Variants in ACOXL observed in about 807,000 individuals in gnomAD.
ACOXL encodes acyl-coenzyme A oxidase-like protein.
A neutral mutation model predicts 71.9 loss-of-function variants in ACOXL; 70 were observed. That is an observed-to-expected ratio of 0.97 (90% CI 0.80 to 1.19). The LOEUF (loss-of-function observed/expected upper bound fraction) is 1.19, where lower values mean the gene tolerates loss of function less well. ACOXL is among the 50% of genes most tolerant of loss of function. ACOXL has a pLI of 0.00. For synonymous variants in ACOXL, 253 were observed against 281.6 expected (o/e 0.90, Z 1.02); for missense variants, 703 against 736.3 (o/e 0.95, Z 0.52).
chr2:111,072,039 C>G (rs1225067846), intron 16 of ACOXL, among the ~76,000 whole-genome samples: 1 of 152,148 alleles, frequency 6.6e-6, no homozygotes, highest in Non-Finnish European at 1.5e-5. Context: ...GAGTAACTTT[C>G]AATGAAAGAA....
intron 12 of ACOXL, among the ~76,000 whole-genome samples, chr2:110,935,168 G>T (rs1288947966): frequency 6.6e-6 from 1 of 152,102 alleles, no homozygotes; most frequent in Non-Finnish European, 1.5e-5. Flanking sequence ...GGGTGTTGGG[G>T]CACTGCTGGG....
At chr2:111,078,702 G>C (rs911586219) in intron 16 of ACOXL, among the ~76,000 whole-genome samples, 1 of 152,182 alleles carries the variant, frequency 6.6e-6, no homozygotes. Context: ...TCATTTTGCT[G>C]TTGGCATCCG....
intron 14 of ACOXL, among the ~76,000 whole-genome samples, chr2:111,019,996 G>A (rs1181325680): frequency 1.3e-5 from 2 of 152,148 alleles, no homozygotes; most frequent in East Asian, 3.9e-4. Flanking sequence ...GAGTAAATGG[G>A]ATTACAGGCA....
chr2:110,967,471 C>T (rs1159207802), intron 12 of ACOXL, among the ~76,000 whole-genome samples: 3 of 152,156 alleles, frequency 2.0e-5, no homozygotes, highest in African/African-American at 7.2e-5. Flanking sequence ...AAAGGAAATA[C>T]TTCAGACAAT....
At chr2:110,772,322 C>T (rs764097108) in intron 2 of ACOXL, among the ~76,000 whole-genome samples, 3 of 152,154 alleles carry the variant, frequency 2.0e-5, no homozygotes, top group Non-Finnish European at 2.9e-5. Context: ...GGCTTTTGCT[C>T]AGGCTAATCA....
Position 111,118,023 on chromosome 2 carries a change from T to C in ACOXL, c.*207T>C. ...AGATCCAGACGGTCGCCTGGTGCGC[T>C]GGATCCCTGTGCCCTTTCCCTGAAA... On this transcript the variant is annotated 3_prime_UTR_variant, in exon 18 of 18. Coordinates refer to ENST00000439055, the MANE Select transcript of ACOXL (RefSeq NM_001142807.4). 2 of 627,760 alleles carry C rather than the reference T, an allele frequency of 3.2e-6. No homozygotes were observed. Among genetic ancestry groups the C allele is most frequent in the South Asian group, 3.9e-5 (2 of 50,944 alleles). 38.9% of individuals were successfully genotyped at this position (627,760 alleles called of 1,614,324 possible). A position where few individuals can be genotyped will look rare whatever the true frequency, so the allele number is the denominator to read the frequency against.
At chr2:110,988,856 A>G (rs1361898670) in intron 13 of ACOXL, among the ~76,000 whole-genome samples, 2 of 46,804 alleles carry the variant, frequency 4.3e-5, no homozygotes, top group Non-Finnish European at 8.6e-5. Flanking sequence ...GCCTATTTTT[A>G]TTGTGTGTGT....
At position 111,069,227 on chromosome 2, in the gene ACOXL, C is replaced by T. The variant is rs1401318673; in HGVS notation, c.1440+19939C>T. Among the ~76,000 whole-genome samples, 4 of 151,070 alleles carry T rather than the reference C, an allele frequency of 2.6e-5. No individual in the cohort carries two copies. In the South Asian group the frequency reaches 8.4e-4, roughly 32 times the overall value. On this transcript the variant is annotated intron_variant, in intron 16 of 17. Coordinates refer to ENST00000439055, the MANE Select transcript of ACOXL (RefSeq NM_001142807.4). ...ATTGCAGTGGCGGGATCTTGACTCA[C>T]TGCAAACTCCGCCTCCCATGTTCAA...
chr2:111,083,294 T>C (rs1402396439), intron 16 of ACOXL, among the ~76,000 whole-genome samples: 2 of 152,124 alleles, frequency 1.3e-5, no homozygotes, highest in Admixed American at 1.3e-4. Flanking sequence ...AAGACTATCC[T>C]CAGGTTCAGG....
chr2:110,915,862 G>A (rs1210103956), intron 11 of ACOXL, among the ~76,000 whole-genome samples: 1 of 151,902 alleles, frequency 6.6e-6, no homozygotes, highest in Non-Finnish European at 1.5e-5. Context: ...TGATATCAGT[G>A]TTATATTGTC....
intron 16 of ACOXL, among the ~76,000 whole-genome samples, chr2:111,057,240 T>A (rs902421630): frequency 2.6e-5 from 4 of 152,208 alleles, no homozygotes; most frequent in African/African-American, 9.6e-5. Flanking sequence ...GTGTTCTGAC[T>A]TTTCCATTTA....
In ACOXL at chr2:110,996,002, A is replaced by G. The variant is rs1401406694; in HGVS notation, c.1279A>G (p.Lys427Glu). 1.3e-6 allele frequency: 2 copies of G among 1,587,800 alleles called. No individual in the cohort carries two copies. The highest frequency in any genetic ancestry group is 1.7e-6 in the Non-Finnish European group (2 of 1,176,204). ...GGGTTTGGTGGCCAGAATTTATTAT[A>G]AGGTAAAGATACACTGTGTTATATT... is the stretch of plus-strand genomic sequence containing the variant. ...QRGLVARIYYKVKTKKEDFFH... is the reference protein window; with the variant it reads ...QRGLVARIYYEVKTKKEDFFH... Residue 427 changes from lysine (K) to glutamate (E), a missense_variant and splice_region_variant, in exon 14 of 18, where the codon AAG becomes GAG. Lys to Glu is a moderately conservative substitution (Grantham distance 56). Transcript: ENST00000439055.
At chr2:111,054,814 C>A (rs578064633) in intron 16 of ACOXL, among the ~76,000 whole-genome samples, 1 of 152,302 alleles carries the variant, frequency 6.6e-6, no homozygotes, top group African/African-American at 2.4e-5. Context: ...TTACTGAATA[C>A]AACTTCTTCC....
At chr2:111,086,975 A>G (rs1245948565) in intron 16 of ACOXL, among the ~76,000 whole-genome samples, 2 of 152,192 alleles carry the variant, frequency 1.3e-5, no homozygotes, top group African/African-American at 4.8e-5. Flanking sequence ...CAAAATCAAC[A>G]TATAAAAATC....
Position 110,776,756 on chromosome 2 carries a change from C to T in ACOXL, c.76-7976C>T, listed in dbSNP as rs111685861. On this transcript the variant is annotated intron_variant, in intron 2 of 17. Coordinates refer to ENST00000439055, the MANE Select transcript of ACOXL (RefSeq NM_001142807.4). The stretch of plus-strand genomic sequence containing the variant: ...ATGAGGCATTTGATTTTCTTCAGAC[C>T]GGATAAAATGGGAGGACTTGGAGGG... Among the ~76,000 whole-genome samples the T allele has an allele frequency of 5.9e-4, 90 of 151,820 alleles. 1 individual carries two copies. The highest frequency in any genetic ancestry group is 3.4e-3 in the Middle Eastern group (1 of 294).
rs147511023 is a variant in ACOXL, at chr2:110,899,571, C to G, written c.789-9218C>G. Reference sequence around the variant, plus strand: ...CAAGGTGCTGGGGCTTCTGCAAGATCTCTGCAGTGGTGCTGATGACGGAAG... The same window carrying G: ...CAAGGTGCTGGGGCTTCTGCAAGATGTCTGCAGTGGTGCTGATGACGGAAG... On this transcript the variant is annotated intron_variant, in intron 10 of 17. Transcript: ENST00000439055. Among the ~76,000 whole-genome samples the G allele has an allele frequency of 3.6e-3, 554 of 152,276 alleles. 10 individuals are homozygous for G. The highest frequency in any genetic ancestry group is 0.013 in the African/African-American group (526 of 41,558).
intron 12 of ACOXL, among the ~76,000 whole-genome samples, chr2:110,977,516 C>T (rs2062505815): frequency 6.6e-6 from 1 of 152,152 alleles, no homozygotes; most frequent in Admixed American, 6.5e-5. Flanking sequence ...ATGATGCACA[C>T]AAACTCACCC....
At chr2:111,011,881 TAA>T (rs35965746) in intron 14 of ACOXL, among the ~76,000 whole-genome samples, 1,928 of 112,462 alleles carry the variant, frequency 0.017, 32 homozygotes, top group Non-Finnish European at 0.02. Context: ...GAGACTCTGT[TAA>T]AAAAAAAAAA....
In ACOXL at chr2:110,805,404, C is replaced by T. The variant is rs201845957; in HGVS notation, c.753+9C>T. The stretch of plus-strand genomic sequence containing the variant: ...CTATGGGTGCCATGAAGGTAATTGA[C>T]TCTGATTTTAACTTAATTATCTACT... On this transcript the variant is annotated intron_variant, in intron 9 of 17. Coordinates refer to ENST00000439055, the MANE Select transcript of ACOXL (RefSeq NM_001142807.4). 2.0e-5 allele frequency: 32 copies of T among 1,614,064 alleles called. No individual in the cohort carries two copies. The highest frequency in any genetic ancestry group is 2.1e-5 in the Non-Finnish European group (25 of 1,180,032).
Sources: allele counts gnomAD v4.1 joint callset (sites outside exome capture counted in the v4.1 genomes callset), GRCh38; gene constraint gnomAD v4.1.1; transcripts MANE v1.5; gene names NCBI Gene and HGNC (gene_info 2026-07-23, HGNC 2026-07-21).